CNTNAP2: variants seen among roughly 807,000 people sequenced by gnomAD.
CNTNAP2 encodes contactin-associated protein-like 2.
A neutral mutation model predicts 155.2 loss-of-function variants in CNTNAP2; 98 were observed. The ratio of observed to expected loss-of-function variants is 0.63; its 90% CI spans 0.54 to 0.75. The LOEUF (loss-of-function observed/expected upper bound fraction) is 0.75. Ranked by LOEUF, CNTNAP2 falls within the 30% of genes least tolerant of loss-of-function variation. The probability of loss-of-function intolerance (pLI) is 0.00; values close to 1 mark genes in which losing one functional copy is unlikely to be tolerated. For synonymous variants in CNTNAP2, 651 were observed against 631.2 expected (o/e 1.03, Z -0.47); for missense variants, 1,727 against 1,688.1 (o/e 1.02, Z -0.40).
At chr7:146,327,333 A>C (rs1401557065) in intron 1 of CNTNAP2, among the ~76,000 whole-genome samples, 4 of 152,232 alleles carry the variant, frequency 2.6e-5, no homozygotes, top group African/African-American at 7.2e-5. Flanking sequence ...TATTGGTTAA[A>C]CATTAAATTT....
chr7:147,586,448 T>C, intron 12 of CNTNAP2, among the ~76,000 whole-genome samples: 1 of 150,604 alleles, frequency 6.6e-6, no homozygotes, highest in East Asian at 2.0e-4. Flanking sequence ...AGAGGTGGGG[T>C]CCATTCAGTT....
chr7:146,309,008 C>T (rs530570111), intron 1 of CNTNAP2, among the ~76,000 whole-genome samples: 15 of 152,096 alleles, frequency 9.9e-5, no homozygotes, highest in African/African-American at 2.9e-4. Flanking sequence ...AAACTTTGTA[C>T]TTACTGAACA....
At chr7:148,291,888 G>C (rs532544518) in intron 21 of CNTNAP2, among the ~76,000 whole-genome samples, 35 of 152,162 alleles carry the variant, frequency 2.3e-4, no homozygotes, top group African/African-American at 7.0e-4. Context: ...AATCTTAAGG[G>C]CCAGGAAAAG....
intron 1 of CNTNAP2, among the ~76,000 whole-genome samples, chr7:146,177,036 C>A (rs1308488235): frequency 6.6e-6 from 1 of 152,188 alleles, no homozygotes. Flanking sequence ...CCATTCTGCT[C>A]TCTGTCCTTG....
chr7:147,926,287 C>T (rs780808434), intron 14 of CNTNAP2, among the ~76,000 whole-genome samples: 7 of 152,082 alleles, frequency 4.6e-5, no homozygotes, highest in Non-Finnish European at 8.8e-5. Flanking sequence ...ATGAAGCCTC[C>T]AGTGCTTCAT....
chr7:146,290,351 T>C (rs1800409634), intron 1 of CNTNAP2, among the ~76,000 whole-genome samples: 1 of 152,164 alleles, frequency 6.6e-6, no homozygotes, highest in Admixed American at 6.5e-5. Flanking sequence ...CTATCAGTTA[T>C]GGAGAGCAGA....
rs143928154 is a variant in CNTNAP2 at position 147,605,012 on chromosome 7, T to C, written c.1898-34094T>C. Reference sequence around the variant, plus strand: ...TGAAAATGACCTAGCCCATTTTGTCTGATACTCCATTTTTACCTCAGGAAA... The same window carrying C: ...TGAAAATGACCTAGCCCATTTTGTCCGATACTCCATTTTTACCTCAGGAAA... On this transcript the variant is annotated intron_variant, in intron 12 of 23. Transcript: ENST00000361727. 3.5e-3 allele frequency among the ~76,000 whole-genome samples: 534 copies of C among 152,300 alleles called. 2 individuals carry two copies. The highest frequency in any genetic ancestry group is 0.012 in the African/African-American group (511 of 41,566).
At chr7:146,973,865 T>C (rs1448003361) in intron 3 of CNTNAP2, among the ~76,000 whole-genome samples, 2 of 152,174 alleles carry the variant, frequency 1.3e-5, no homozygotes, top group East Asian at 3.9e-4. Context: ...GAAATAATCA[T>C]AATCTCTTCC....
At chr7:147,865,980 G>A (rs1248897803) in intron 13 of CNTNAP2, among the ~76,000 whole-genome samples, 2 of 151,984 alleles carry the variant, frequency 1.3e-5, no homozygotes. Flanking sequence ...GAATGTGTTT[G>A]CTCTTGCTTC....
At chr7:148,336,905 A>G (rs1349720131) in intron 21 of CNTNAP2, among the ~76,000 whole-genome samples, 1 of 152,198 alleles carries the variant, frequency 6.6e-6, no homozygotes, top group Non-Finnish European at 1.5e-5. Flanking sequence ...TGCATTTGCT[A>G]ACTGTGAAAC....
At chr7:148,112,918 G>A (rs1804385023) in intron 15 of CNTNAP2, among the ~76,000 whole-genome samples, 1 of 151,876 alleles carries the variant, frequency 6.6e-6, no homozygotes. Context: ...GTGAGAAGGT[G>A]TCTCTAAGGA....
chr7:148,213,134 C>T (rs757160110), intron 18 of CNTNAP2, among the ~76,000 whole-genome samples: 1 of 152,144 alleles, frequency 6.6e-6, no homozygotes, highest in Non-Finnish European at 1.5e-5. Context: ...ACTACCCTGC[C>T]TCAGCTTTCA....
intron 11 of CNTNAP2, among the ~76,000 whole-genome samples, chr7:147,506,239 T>C (rs905852806): frequency 6.6e-6 from 1 of 152,100 alleles, no homozygotes; most frequent in Non-Finnish European, 1.5e-5. Context: ...GTTTCTAAAA[T>C]TTTTTGTTTG....
intron 1 of CNTNAP2, among the ~76,000 whole-genome samples, chr7:146,173,074 G>A (rs1454292105): frequency 6.6e-6 from 1 of 151,860 alleles, no homozygotes; most frequent in Non-Finnish European, 1.5e-5. Context: ...GCTTTCACAA[G>A]ATTCTAAATG....
chr7:148,217,587 G>A, intron 19 of CNTNAP2, 63 bp downstream of exon 19: 1 of 1,528,032 alleles, frequency 6.5e-7, no homozygotes, highest in Non-Finnish European at 9.1e-7. Context: ...GTTCTAGCAA[G>A]AGTCTATAGA....
intron 1 of CNTNAP2, among the ~76,000 whole-genome samples, chr7:146,169,037 A>C (rs1381752940): frequency 6.6e-6 from 1 of 152,112 alleles, no homozygotes; most frequent in Non-Finnish European, 1.5e-5. Context: ...GGACCTTTGC[A>C]CTGGCTGTTT....
intron 1 of CNTNAP2, among the ~76,000 whole-genome samples, chr7:146,473,417 T>A (rs1340637770): frequency 3.9e-5 from 6 of 152,158 alleles, no homozygotes. Context: ...TCCTTTCTTC[T>A]TTTCCTATTT....
intron 1 of CNTNAP2, among the ~76,000 whole-genome samples, chr7:146,415,345 G>A (rs1304259113): frequency 2.0e-5 from 3 of 152,058 alleles, no homozygotes; most frequent in Admixed American, 6.6e-5. Flanking sequence ...ACTTTAAAAT[G>A]TACTCGTTTT....
intron 8 of CNTNAP2, among the ~76,000 whole-genome samples, chr7:147,211,389 C>T (rs1249564189): frequency 6.6e-6 from 1 of 151,856 alleles, no homozygotes; most frequent in Non-Finnish European, 1.5e-5. Flanking sequence ...TAATGCTCTT[C>T]TTTGCCATAG....
Sources: allele counts gnomAD v4.1 joint callset (sites outside exome capture counted in the v4.1 genomes callset), GRCh38; gene constraint gnomAD v4.1.1; transcripts MANE v1.5; gene names NCBI Gene and HGNC (gene_info 2026-07-23, HGNC 2026-07-21).